The following CHST3 variants were observed in gnomAD, a reference collection of about 807,000 sequenced individuals.
The protein encoded by CHST3 is C6ST-1.
CHST3 carries 20 observed loss-of-function variants against 35.4 expected under a neutral mutation model. The observed-to-expected ratio is 0.57, with a 90% CI of 0.40 to 0.82. The LOEUF is 0.82. Ranked by LOEUF, CHST3 falls within the 40% of genes least tolerant of loss-of-function variation. The probability of loss-of-function intolerance (pLI) is 0.00; values close to 1 mark genes in which losing one functional copy is unlikely to be tolerated. For missense variants in CHST3, 693 were observed against 670.1 expected (o/e 1.03, Z -0.38); for synonymous variants, 334 against 295.9 (o/e 1.13, Z -1.32).
intron 1 of CHST3, among the ~76,000 whole-genome samples, chr10:71,971,673 G>A (rs972193379): frequency 1.3e-5 from 2 of 152,174 alleles, no homozygotes; most frequent in African/African-American, 4.8e-5. Context: ...AAAACACACT[G>A]GGCCACCCCC....
intron 2 of CHST3, 60 bp downstream of exon 2, chr10:72,006,042 G>GT: frequency 8.7e-7 from 1 of 1,153,654 alleles, no homozygotes. Context: ...TGGGGACAGG[G>GT]AGGTAACTGC....
chr10:72,008,381 C>G lies in CHST3; in HGVS notation c.1350C>G (p.Leu450=), dbSNP rs752819533. ...CCGCCTGCGGCCCTGCCATGCGCCTCTTCGGCTACAAACTGGCGCGGGACG... is the reference window on the plus strand; with the variant it reads ...CCGCCTGCGGCCCTGCCATGCGCCTGTTCGGCTACAAACTGGCGCGGGACG... ...VQAACGPAMR[L]FGYKLARDAA... is the part of the protein sequence containing the mutation. Residue 450 remains leucine, a synonymous_variant, in exon 3 of 3, where the codon CTC becomes CTG. Coordinates refer to ENST00000373115, the MANE Select transcript of CHST3 (RefSeq NM_004273.5). The G allele has an allele frequency of 1.3e-6, 2 of 1,568,992 alleles. No homozygotes were observed. Among genetic ancestry groups the G allele is most frequent in the Admixed American group, 3.8e-5 (2 of 52,988 alleles).
At chr10:71,977,561 C>T (rs1453806317) in intron 1 of CHST3, among the ~76,000 whole-genome samples, 2 of 151,908 alleles carry the variant, frequency 1.3e-5, no homozygotes, top group Non-Finnish European at 2.9e-5. Flanking sequence ...GTGATCCTCC[C>T]ACCTCAGCCT....
chr10:71,980,533 C>T (rs539910581), intron 1 of CHST3, among the ~76,000 whole-genome samples: 2 of 152,334 alleles, frequency 1.3e-5, no homozygotes, highest in Non-Finnish European at 2.9e-5. Context: ...TGTTGACCAG[C>T]GATTTTCAAA....
rs749488516 is a variant in CHST3 at position 72,008,396 on chromosome 10, G to A, written c.1365G>A (p.Leu455=). ...GPAMRLFGYK[L]ARDAAALTNR... ...CCATGCGCCTCTTCGGCTACAAACT[G>A]GCGCGGGACGCCGCCGCCCTCACCA... The change falls in exon 3 of 3, where the codon CTG becomes CTA. Residue 455 remains leucine, a synonymous_variant. Coordinates refer to ENST00000373115, the MANE Select transcript of CHST3 (RefSeq NM_004273.5). 1.9e-5 allele frequency: 30 copies of A among 1,570,426 alleles called. No homozygotes were observed. Among genetic ancestry groups the A allele is most frequent in the Non-Finnish European group, 2.6e-5 (30 of 1,158,862 alleles).
intron 1 of CHST3, among the ~76,000 whole-genome samples, chr10:71,993,856 T>G (rs181241566): frequency 6.6e-6 from 1 of 152,036 alleles, no homozygotes; most frequent in Admixed American, 6.6e-5. Flanking sequence ...TCCCAACACT[T>G]TGGGAGGCTG....
rs1224742395 is a variant in CHST3 at position 72,008,157 on chromosome 10, C to T, written c.1126C>T (p.Arg376Cys). 10 of 1,548,506 alleles carry T rather than the reference C, an allele frequency of 6.5e-6. No homozygotes were observed. The East Asian group carries it at 1.7e-4, about 27-fold the overall frequency. ...GCTGGTGCGCTACGAGGACGTGGCA[C>T]GCGGGCCGCTGCAGAAGGCCCGCGA... Reference protein sequence around the residue: ...YMLVRYEDVARGPLQKAREMY... With the variant: ...YMLVRYEDVACGPLQKAREMY... Residue 376 changes from arginine to cysteine, a missense_variant, in exon 3 of 3, where the codon CGC (arginine) becomes TGC (cysteine). By Grantham distance (180) the Arg-to-Cys change is radical. Coordinates refer to ENST00000373115, the MANE Select transcript of CHST3 (RefSeq NM_004273.5).
In CHST3 at chr10:72,011,908, A is replaced by G. The variant is rs1840114373; in HGVS notation, c.*3437A>G. 1 of 152,190 alleles carries G rather than the reference A, an allele frequency of 6.6e-6. No homozygotes were observed. Among genetic ancestry groups the G allele is most frequent in the African/African-American group, 2.4e-5 (1 of 41,434 alleles). The allele number at this position is 152,190 out of a possible 1,614,324, so 9.4% of individuals were successfully genotyped here. ...TGGAGGGCAGGATTCTCAGGTCCCCATAGAGAGGGAAAGAGAAGACCAGAT... is the reference window on the plus strand; with the variant it reads ...TGGAGGGCAGGATTCTCAGGTCCCCGTAGAGAGGGAAAGAGAAGACCAGAT... On this transcript the variant is annotated 3_prime_UTR_variant, in exon 3 of 3. Transcript: ENST00000373115.
intron 1 of CHST3, among the ~76,000 whole-genome samples, chr10:71,993,465 CTTAGCATCCACTTCTTCTAAA>C (rs950188707): frequency 6.7e-4 from 102 of 152,198 alleles, no homozygotes; most frequent in African/African-American, 2.1e-3. Flanking sequence ...CCATCCACTT[CTTAGCATCCACTTCTTCTAAA>C]TTAGCATCCA....
intron 1 of CHST3, among the ~76,000 whole-genome samples, chr10:71,976,085 G>A (rs1456866165): frequency 6.6e-6 from 1 of 152,164 alleles, no homozygotes; most frequent in Non-Finnish European, 1.5e-5. Flanking sequence ...CTCTGTTCGG[G>A]GCTTGCACTT....
intron 1 of CHST3, among the ~76,000 whole-genome samples, chr10:71,999,873 C>T (rs1251488121): frequency 1.3e-5 from 2 of 152,202 alleles, no homozygotes; most frequent in Non-Finnish European, 2.9e-5. Flanking sequence ...GCTCGCAGCC[C>T]CCTTTTTCCA....
intron 1 of CHST3, among the ~76,000 whole-genome samples, chr10:71,969,689 G>T (rs1166979083): frequency 6.6e-6 from 1 of 152,232 alleles, no homozygotes; most frequent in Non-Finnish European, 1.5e-5. Flanking sequence ...GGGACTGGGT[G>T]TGGGGAGAAG....
intron 1 of CHST3, among the ~76,000 whole-genome samples, chr10:71,969,700 C>T (rs1839670627): frequency 6.6e-6 from 1 of 152,206 alleles, no homozygotes; most frequent in South Asian, 2.1e-4. Flanking sequence ...TGGGGAGAAG[C>T]CACCCCACTG....
intron 1 of CHST3, among the ~76,000 whole-genome samples, chr10:71,983,228 C>A (rs1415829291): frequency 6.6e-6 from 1 of 152,206 alleles, no homozygotes. Context: ...CTCAGACCCG[C>A]AGGCCTGCTC....
In CHST3 at chr10:71,982,126, A is replaced by G. The variant is rs75268025; in HGVS notation, c.-108+17432A>G. ...AGCTTGCATGGTAAGGACTGTCCAGATGGGATTAAGTTAAGGATTTTGAGT... is the reference window on the plus strand; with the variant it reads ...AGCTTGCATGGTAAGGACTGTCCAGGTGGGATTAAGTTAAGGATTTTGAGT... On this transcript the variant is annotated intron_variant, in intron 1 of 2. Coordinates refer to ENST00000373115, the MANE Select transcript of CHST3 (RefSeq NM_004273.5). 2.9e-3 allele frequency among the ~76,000 whole-genome samples: 443 copies of G among 152,348 alleles called. 11 individuals carry two copies. The highest frequency in any genetic ancestry group is 0.021 in the East Asian group (108 of 5,192).
At position 72,010,634 on chromosome 10, in the gene CHST3, A is replaced by T. The variant is rs114563668; in HGVS notation, c.*2163A>T. The T allele has an allele frequency of 6.6e-6, 1 of 152,188 alleles. No individual in the cohort carries two copies. Among genetic ancestry groups the T allele is most frequent in the Non-Finnish European group, 1.5e-5 (1 of 68,042 alleles). 9.4% of individuals were successfully genotyped at this position (152,188 alleles called of 1,614,324 possible). A position where few individuals can be genotyped will look rare whatever the true frequency, so the allele number is the denominator to read the frequency against. On this transcript the variant is annotated 3_prime_UTR_variant, in exon 3 of 3. Coordinates refer to ENST00000373115, the MANE Select transcript of CHST3 (RefSeq NM_004273.5). ...TTTGCTATTTTGCCTGAACACCCCA[A>T]CACTCTTGGTTTTAGAGTCCAAGAG...
At chr10:71,990,537 AT>A (rs955894127) in intron 1 of CHST3, among the ~76,000 whole-genome samples, 3 of 151,956 alleles carry the variant, frequency 2.0e-5, no homozygotes, top group African/African-American at 7.3e-5. Context: ...CTAATTTTGT[AT>A]TTTTATTAGA....
rs59896631 is a variant in CHST3 at position 71,966,560 on chromosome 10, T to C, written c.-108+1866T>C. ...TCAGTGTGCATTTCAAACTTCTAAA[T>C]GCTGAAATTAGCAAGGCATGTGGGC... is the stretch of plus-strand genomic sequence containing the variant. On this transcript the variant is annotated intron_variant, in intron 1 of 2. Coordinates refer to ENST00000373115, the MANE Select transcript of CHST3 (RefSeq NM_004273.5). Among the ~76,000 whole-genome samples the C allele has an allele frequency of 7.1e-3, 1,088 of 152,256 alleles. 23 individuals carry two copies. Among genetic ancestry groups the C allele is most frequent in the African/African-American group, 0.023 (941 of 41,522 alleles).
chr10:72,007,682 G>A lies in CHST3; in HGVS notation c.651G>A (p.Gln217=). The change falls in exon 3 of 3, where the codon CAG becomes CAA. Residue 217 remains glutamine, a synonymous_variant. Transcript: ENST00000373115. ...CGCTGCCCGAGGACCACCTGACTCA[G>A]TTCATGTTCCGCCGGGGCTCCAGCC... ...ITPLPEDHLT[Q]FMFRRGSSRS... The A allele has an allele frequency of 6.2e-7, 1 of 1,608,694 alleles. No individual in the cohort carries two copies. Among genetic ancestry groups the A allele is most frequent in the East Asian group, 2.2e-5 (1 of 44,830 alleles).
Sources: gnomAD v4.1 joint callset for allele counts (sites outside exome capture counted in the v4.1 genomes callset) on GRCh38, gnomAD v4.1.1 for gene constraint, MANE v1.5 for transcripts, NCBI Gene and HGNC (gene_info 2026-07-23, HGNC 2026-07-21) for gene names.